CNTN5: variants seen among roughly 807,000 people sequenced by gnomAD.
CNTN5 encodes the protein contactin-5.
Under a neutral mutation model 129.1 loss-of-function variants are expected in CNTN5, and 77 were observed. The observed-to-expected ratio is 0.60, with a 90% confidence interval of 0.50 to 0.72. The LOEUF (loss-of-function observed/expected upper bound fraction) is 0.72, where lower values mean the gene tolerates loss of function less well. Ranked by LOEUF, CNTN5 falls within the 30% of genes least tolerant of loss-of-function variation. The probability of loss-of-function intolerance (pLI) is 0.00; values close to 1 mark genes in which losing one functional copy is unlikely to be tolerated. For synonymous variants in CNTN5, 509 were observed against 465.6 expected, an observed-to-expected ratio of 1.09 and a Z score of -1.20; for missense variants, 1,478 against 1,328.8, an observed-to-expected ratio of 1.11 and a Z score of -1.75.
At chr11:100,092,230 A>G (rs914099519) in intron 13 of CNTN5, among the ~76,000 whole-genome samples, 1 of 152,120 alleles carries the variant, frequency 6.6e-6, no homozygotes, top group Non-Finnish European at 1.5e-5. Flanking sequence ...ACTAGTTTAA[A>G]TTCTGATTAT....
At chr11:99,450,759 T>C (rs1018336550) in intron 2 of CNTN5, among the ~76,000 whole-genome samples, 7 of 140,040 alleles carry the variant, frequency 5.0e-5, no homozygotes, top group Admixed American at 1.6e-4. Context: ...TGCTCTTGCA[T>C]TGAAGCAAGT....
chr11:99,111,130 G>A (rs1857775029), intron 1 of CNTN5, among the ~76,000 whole-genome samples: 1 of 152,098 alleles, frequency 6.6e-6, no homozygotes, highest in Admixed American at 6.6e-5. Flanking sequence ...AATTTAAGAT[G>A]CTATTAAAAT....
intron 1 of CNTN5, among the ~76,000 whole-genome samples, chr11:99,304,055 T>G (rs544226980): frequency 6.6e-6 from 1 of 152,276 alleles, no homozygotes; most frequent in African/African-American, 2.4e-5. Context: ...TGTTGGGAAG[T>G]CACGACACCT....
chr11:100,226,558 T>C (rs1262350348), intron 16 of CNTN5, among the ~76,000 whole-genome samples: 3 of 152,320 alleles, frequency 2.0e-5, no homozygotes, highest in African/African-American at 7.2e-5. Context: ...TTATACCCAA[T>C]AGCAATTTCA....
chr11:99,926,918 G>A (rs192250750), intron 7 of CNTN5, among the ~76,000 whole-genome samples: 7 of 152,168 alleles, frequency 4.6e-5, no homozygotes, highest in East Asian at 3.9e-4. Context: ...TTTGAAATAC[G>A]TTAATGTTGT....
chr11:99,900,187 C>CTT (rs71050031), intron 6 of CNTN5, among the ~76,000 whole-genome samples: 70 of 144,282 alleles, frequency 4.9e-4, no homozygotes, highest in Non-Finnish European at 7.0e-4. Context: ...TTCTTTTTAT[C>CTT]TTTTTTTTTT....
At chr11:99,926,752 C>G (rs1262563427) in intron 7 of CNTN5, among the ~76,000 whole-genome samples, 1 of 151,988 alleles carries the variant, frequency 6.6e-6, no homozygotes, top group Non-Finnish European at 1.5e-5. Flanking sequence ...TTTCAAATCA[C>G]TATATATTAA....
chr11:99,233,882 C>A (rs1308330003), intron 1 of CNTN5, among the ~76,000 whole-genome samples: 1 of 152,084 alleles, frequency 6.6e-6, no homozygotes, highest in Non-Finnish European at 1.5e-5. Context: ...GAAGGCGGAG[C>A]TTGCAGTGAG....
intron 13 of CNTN5, among the ~76,000 whole-genome samples, chr11:100,146,023 G>T (rs1321442358): frequency 6.6e-6 from 1 of 152,122 alleles, no homozygotes; most frequent in East Asian, 1.9e-4. Context: ...AGTGTTACAA[G>T]ACTTAATTCT....
chr11:99,342,344 G>C (rs565731542), intron 2 of CNTN5, among the ~76,000 whole-genome samples: 8 of 151,852 alleles, frequency 5.3e-5, no homozygotes, highest in Non-Finnish European at 1.0e-4. Flanking sequence ...AATGATAAAC[G>C]CCAAGGCTTT....
At chr11:100,183,277 C>G (rs1454178975) in intron 13 of CNTN5, among the ~76,000 whole-genome samples, 1 of 152,064 alleles carries the variant, frequency 6.6e-6, no homozygotes, top group Non-Finnish European at 1.5e-5. Context: ...AAGCATATAT[C>G]CATAGAAGAC....
chr11:99,413,895 A>G (rs1405693076), intron 2 of CNTN5, among the ~76,000 whole-genome samples: 1 of 152,228 alleles, frequency 6.6e-6, no homozygotes, highest in Non-Finnish European at 1.5e-5. Context: ...TCTGTCTAGA[A>G]TAAATTGATT....
intron 2 of CNTN5, among the ~76,000 whole-genome samples, chr11:99,347,029 T>C (rs7942787): frequency 1 from 152,038 of 152,372 alleles, 75,854 homozygotes; most frequent in Middle Eastern, 1. Context: ...TGAGACACTA[T>C]GTTGTTTTGT....
chr11:99,164,110 G>A (rs569611904), intron 1 of CNTN5, among the ~76,000 whole-genome samples: 82 of 152,116 alleles, frequency 5.4e-4, no homozygotes, highest in African/African-American at 1.8e-3. Context: ...GGTGGATCAC[G>A]AGGTTAGGAG....
intron 3 of CNTN5, among the ~76,000 whole-genome samples, chr11:99,767,650 T>C (rs1242889297): frequency 2.7e-5 from 4 of 149,966 alleles, no homozygotes; most frequent in Non-Finnish European, 4.4e-5. Flanking sequence ...ACCCATCAGA[T>C]CAAGGAATGT....
intron 20 of CNTN5, among the ~76,000 whole-genome samples, chr11:100,300,299 T>C: frequency 6.6e-6 from 1 of 151,438 alleles, no homozygotes; most frequent in East Asian, 1.9e-4. Context: ...AAGTTAGCTT[T>C]TCCTCTTAGT....
At chr11:99,857,098 C>G (rs893288217) in intron 6 of CNTN5, among the ~76,000 whole-genome samples, 17 of 149,576 alleles carry the variant, frequency 1.1e-4, no homozygotes, top group African/African-American at 4.2e-4. Flanking sequence ...CTGTCTCTGT[C>G]TTTCTGTCTG....
intron 13 of CNTN5, among the ~76,000 whole-genome samples, chr11:100,154,421 A>T (rs1476825881): frequency 6.6e-6 from 1 of 151,946 alleles, no homozygotes; most frequent in Non-Finnish European, 1.5e-5. Flanking sequence ...CCAGCCTATC[A>T]TTGATGGGCA....
rs199715008 is a variant in CNTN5, at chr11:100,168,861, CA to C, written c.1581-22264del. Among the ~76,000 whole-genome samples the C allele has an allele frequency of 2.6e-3, 388 of 152,028 alleles. 12 individuals are homozygous for C. The East Asian group carries it at 0.068, about 26-fold the overall frequency. ...TTACCATTGTAGATGCCATTAAGAA[CA>C]TTCATAGTTCATGGCAGGAGGTCAG... is the stretch of plus-strand genomic sequence containing the variant. On this transcript the variant is annotated intron_variant, in intron 13 of 24. Coordinates refer to ENST00000524871, the MANE Select transcript of CNTN5 (RefSeq NM_014361.4).
Sources: allele counts gnomAD v4.1 joint callset (sites outside exome capture counted in the v4.1 genomes callset), GRCh38; gene constraint gnomAD v4.1.1; transcripts MANE v1.5; gene names NCBI Gene and HGNC (gene_info 2026-07-23, HGNC 2026-07-21).